LRRC4C: variants seen among roughly 807,000 people sequenced by gnomAD.
LRRC4C encodes the protein leucine-rich repeat-containing protein 4C.
A neutral mutation model predicts 33.6 loss-of-function variants in LRRC4C; 5 were observed. The observed-to-expected ratio is 0.15, with a 90% confidence interval of 0.08 to 0.31. The LOEUF (loss-of-function observed/expected upper bound fraction) is 0.31. Ranked by LOEUF, LRRC4C falls within the 10% of genes least tolerant of loss-of-function variation. The pLI is 1.00. For synonymous variants in LRRC4C, 329 were observed against 302.0 expected, an observed-to-expected ratio of 1.09 and a Z score of -0.93; for missense variants, 560 against 796.7, an observed-to-expected ratio of 0.70 and a Z score of 3.58.
intron 1 of LRRC4C, among the ~76,000 whole-genome samples, chr11:40,949,489 G>GTCA (rs1457581151): frequency 6.6e-6 from 1 of 152,072 alleles, no homozygotes; most frequent in Non-Finnish European, 1.5e-5. Flanking sequence ...ACCCACAAAG[G>GTCA]GAAGCCCATC....
At chr11:40,554,428 G>C (rs544972658) in intron 3 of LRRC4C, among the ~76,000 whole-genome samples, 1 of 152,138 alleles carries the variant, frequency 6.6e-6, no homozygotes, top group African/African-American at 2.4e-5. Flanking sequence ...GCTTATAATT[G>C]CTTTAGCTAT....
intron 3 of LRRC4C, among the ~76,000 whole-genome samples, chr11:40,419,983 T>G (rs746810617): frequency 1.3e-5 from 2 of 152,164 alleles, no homozygotes; most frequent in East Asian, 3.9e-4. Context: ...TTTTACTTAT[T>G]AACTACTTAT....
chr11:40,135,921 A>G (rs533515127), intron 6 of LRRC4C, among the ~76,000 whole-genome samples: 5 of 152,352 alleles, frequency 3.3e-5, no homozygotes, highest in Admixed American at 6.5e-5. Context: ...TTAAATTATG[A>G]TATAGGTGTC....
chr11:40,701,439 G>A (rs1319096630), intron 2 of LRRC4C, among the ~76,000 whole-genome samples: 1 of 151,712 alleles, frequency 6.6e-6, no homozygotes, highest in Admixed American at 6.6e-5. Flanking sequence ...CACATCCAGT[G>A]AAGGTGGAAA....
chr11:40,795,693 T>C (rs1251778268), intron 2 of LRRC4C, among the ~76,000 whole-genome samples: 1 of 152,174 alleles, frequency 6.6e-6, no homozygotes, highest in South Asian at 2.1e-4. Flanking sequence ...ACAAGCTGTT[T>C]ATTTTGAGGT....
At chr11:41,266,607 G>A (rs1949159614) in intron 1 of LRRC4C, among the ~76,000 whole-genome samples, 1 of 152,104 alleles carries the variant, frequency 6.6e-6, no homozygotes, top group Non-Finnish European at 1.5e-5. Context: ...ATGTGATTAG[G>A]TGTTCTACAG....
intron 2 of LRRC4C, among the ~76,000 whole-genome samples, chr11:40,834,604 T>C (rs1157782845): frequency 6.6e-6 from 1 of 152,074 alleles, no homozygotes; most frequent in African/African-American, 2.4e-5. Context: ...GATTCATTCA[T>C]AGGCATCCAT....
At chr11:40,310,453 A>G (rs538982817) in intron 4 of LRRC4C, among the ~76,000 whole-genome samples, 8 of 152,290 alleles carry the variant, frequency 5.3e-5, no homozygotes, top group African/African-American at 1.9e-4. Context: ...CACAATTTAT[A>G]GGCTATAGTA....
At chr11:40,315,896 G>C (rs1006672974) in intron 4 of LRRC4C, among the ~76,000 whole-genome samples, 3 of 151,990 alleles carry the variant, frequency 2.0e-5, no homozygotes, top group African/African-American at 7.3e-5. Flanking sequence ...AAAGAGCAAT[G>C]AGGAGGCATC....
intron 1 of LRRC4C, among the ~76,000 whole-genome samples, chr11:41,297,845 G>C (rs1188274861): frequency 6.6e-6 from 1 of 151,974 alleles, no homozygotes; most frequent in Non-Finnish European, 1.5e-5. Flanking sequence ...CGCAGAATCT[G>C]GTATTCAGAA....
intron 1 of LRRC4C, among the ~76,000 whole-genome samples, chr11:41,243,852 G>A (rs940402282): frequency 6.6e-6 from 1 of 152,112 alleles, no homozygotes; most frequent in African/African-American, 2.4e-5. Flanking sequence ...CTTCATAGCA[G>A]TACTATGAAG....
rs963956310 is a variant in LRRC4C at position 40,965,017 on chromosome 11, C to T, written c.-495-31294G>A. On this transcript the variant is annotated intron_variant, in intron 1 of 6. Coordinates refer to ENST00000528697, the MANE Select transcript of LRRC4C (RefSeq NM_001258419.2). ...GTAAAATTGTTCCTATTTCTCCACA[C>T]CCTCTCCAGCACCTGTTGTTTCCTG... Among the ~76,000 whole-genome samples, 231 of 152,004 alleles carry T rather than the reference C, an allele frequency of 1.5e-3. 3 individuals carry two copies. Among genetic ancestry groups the T allele is most frequent in the Middle Eastern group, 6.8e-3 (2 of 294 alleles).
chr11:40,807,308 G>C (rs1951296521), intron 2 of LRRC4C, among the ~76,000 whole-genome samples: 1 of 152,160 alleles, frequency 6.6e-6, no homozygotes, highest in Non-Finnish European at 1.5e-5. Context: ...CCTGCGACAG[G>C]CTTCAAGGGA....
At chr11:40,210,775 C>A (rs765737048) in intron 5 of LRRC4C, among the ~76,000 whole-genome samples, 7 of 152,014 alleles carry the variant, frequency 4.6e-5, no homozygotes, top group Non-Finnish European at 8.8e-5. Flanking sequence ...AAAAATACAA[C>A]TTTTTCTTTT....
In LRRC4C at chr11:41,055,749, G is replaced by A. The variant is rs565020101; in HGVS notation, c.-495-122026C>T. Reference sequence around the variant, plus strand: ...AACATTCTTTACAAGAATAAAATATGCTACAGTAAAGAATAGAAGATCTAG... The same window carrying A: ...AACATTCTTTACAAGAATAAAATATACTACAGTAAAGAATAGAAGATCTAG... On this transcript the variant is annotated intron_variant, in intron 1 of 6. Transcript: ENST00000528697. 6.7e-4 allele frequency among the ~76,000 whole-genome samples: 102 copies of A among 152,162 alleles called. No individual in the cohort carries two copies. The Middle Eastern group carries it at 0.014, about 20-fold the overall frequency.
intron 1 of LRRC4C, among the ~76,000 whole-genome samples, chr11:41,443,602 C>A (rs1447209534): frequency 6.6e-6 from 1 of 151,132 alleles, no homozygotes; most frequent in African/African-American, 2.4e-5. Context: ...TCTTTTCTCT[C>A]TTTCTTTTCT....
intron 2 of LRRC4C, among the ~76,000 whole-genome samples, chr11:40,723,130 A>G (rs935169039): frequency 7.9e-5 from 12 of 152,182 alleles, no homozygotes; most frequent in Non-Finnish European, 1.3e-4. Flanking sequence ...CCTATGACTC[A>G]TTGGCATTTC....
At chr11:41,198,790 A>T (rs942018693) in intron 1 of LRRC4C, among the ~76,000 whole-genome samples, 1 of 152,110 alleles carries the variant, frequency 6.6e-6, no homozygotes, top group Non-Finnish European at 1.5e-5. Flanking sequence ...AATAACCAGA[A>T]GACAAACATG....
At chr11:41,216,877 T>G (rs77120965) in intron 1 of LRRC4C, among the ~76,000 whole-genome samples, 6,080 of 152,046 alleles carry the variant, frequency 0.04, 127 homozygotes, top group South Asian at 0.064. Context: ...TTTAGATACC[T>G]ATCTATGTTT....
Sources: gnomAD v4.1 joint callset for allele counts (sites outside exome capture counted in the v4.1 genomes callset) on GRCh38, gnomAD v4.1.1 for gene constraint, MANE v1.5 for transcripts, NCBI Gene and HGNC (gene_info 2026-07-23, HGNC 2026-07-21) for gene names.